ROCK2: variants seen among roughly 807,000 people sequenced by gnomAD.
ROCK2 encodes Rho associated coiled-coil containing protein kinase 2.
A neutral mutation model predicts 195.1 loss-of-function variants in ROCK2; 61 were observed. The observed-to-expected ratio is 0.31, with a 90% CI of 0.25 to 0.39. The LOEUF is 0.39. Ranked by LOEUF, ROCK2 falls within the 10% of genes least tolerant of loss-of-function variation. The probability of loss-of-function intolerance (pLI) is 1.00; values close to 1 mark genes in which losing one functional copy is unlikely to be tolerated. For synonymous variants in ROCK2, 504 were observed against 545.5 expected (o/e 0.92, Z 1.06); for missense variants, 1,109 against 1,637.4 (o/e 0.68, Z 5.57).
intron 1 of ROCK2, among the ~76,000 whole-genome samples, chr2:11,320,459 T>C (rs1668367058): frequency 6.6e-6 from 1 of 152,176 alleles, no homozygotes. Context: ...GACACCAACA[T>C]TGAGTCCTTT....
chr2:11,318,285 A>T (rs186836230), intron 1 of ROCK2, among the ~76,000 whole-genome samples: 3,431 of 152,182 alleles, frequency 0.023, 60 homozygotes, highest in East Asian at 0.053. Flanking sequence ...CTGTTTCCTG[A>T]CTTTTTAATG....
chr2:11,285,099 C>A (rs1667140805), intron 3 of ROCK2, among the ~76,000 whole-genome samples: 1 of 151,848 alleles, frequency 6.6e-6, no homozygotes, highest in South Asian at 2.1e-4. Flanking sequence ...CCTGTCTCTA[C>A]TAAAAATACA....
At chr2:11,215,761 T>C in intron 13 of ROCK2, 116 bp from the exon 14 acceptor site, 2 of 822,218 alleles carry the variant, frequency 2.4e-6, no homozygotes. Flanking sequence ...TTCACTGCTT[T>C]TTTGTTAAAA....
chr2:11,345,031 CCCCCCGCCGCGG>C (rs983965497), upstream of ROCK2, among the ~76,000 whole-genome samples: 3 of 151,008 alleles, frequency 2.0e-5, no homozygotes, highest in African/African-American at 7.3e-5. Context: ...CCCGGCCGCG[CCCCCCGCCGCGG>C]CCCCCGCTGA....
chr2:11,233,535 T>A (rs1362308003), intron 5 of ROCK2, among the ~76,000 whole-genome samples: 2 of 152,200 alleles, frequency 1.3e-5, no homozygotes, highest in South Asian at 2.1e-4. Context: ...ACATGGGACA[T>A]ATATAAAGAT....
chr2:11,214,604 T>C, intron 16 of ROCK2, 141 bp from the exon 17 acceptor site: 3 of 653,216 alleles, frequency 4.6e-6, no homozygotes, highest in Non-Finnish European at 7.8e-6. Flanking sequence ...TATTGTGCTT[T>C]ATAGTTAATT....
intron 3 of ROCK2, among the ~76,000 whole-genome samples, chr2:11,275,907 C>G (rs544513828): frequency 2.7e-4 from 41 of 152,164 alleles, no homozygotes; most frequent in Admixed American, 9.8e-4. Context: ...ACCATGTTGA[C>G]CTGGCTGGTC....
In ROCK2 at chr2:11,201,581, T is replaced by A. The variant is rs917862684; in HGVS notation, c.2620-168A>T. Among the ~76,000 whole-genome samples, 3 of 152,222 alleles carry A rather than the reference T, an allele frequency of 2.0e-5. No homozygotes were observed. The highest frequency in any genetic ancestry group is 4.4e-5 in the Non-Finnish European group (3 of 68,034). On this transcript the variant is annotated intron_variant, in intron 21 of 32. Coordinates refer to ENST00000315872, the MANE Select transcript of ROCK2 (RefSeq NM_004850.5). The surrounding 1 kb of genome is among the most constrained non-coding windows in gnomAD (Gnocchi z 4.6). ...GAACTTTCCTATTTCTAGTCATCAA[T>A]TAACTAATACAAGTTCAGGTAATAA... is the stretch of plus-strand genomic sequence containing the variant.
At chr2:11,284,811 T>G (rs1213606090) in intron 3 of ROCK2, among the ~76,000 whole-genome samples, 2 of 152,198 alleles carry the variant, frequency 1.3e-5, no homozygotes, top group Non-Finnish European at 2.9e-5. Flanking sequence ...AGTACTATAT[T>G]CTGGTTCAAT....
In ROCK2 at chr2:11,260,987, A is replaced by G. The variant is rs373309691; in HGVS notation, c.325-11189T>C. The stretch of plus-strand genomic sequence containing the variant: ...CTACTTCATACGCTCCTTTAGGAAT[A>G]TAACACATACTTTCATTTGTGAGAC... On this transcript the variant is annotated intron_variant, in intron 3 of 32. Transcript: ENST00000315872. 3.9e-5 allele frequency among the ~76,000 whole-genome samples: 6 copies of G among 152,260 alleles called. No individual in the cohort carries two copies. The South Asian group carries it at 8.3e-4, about 21-fold the overall frequency.
At chr2:11,343,723 G>A (rs527425447) in intron 1 of ROCK2, among the ~76,000 whole-genome samples, 2 of 152,340 alleles carry the variant, frequency 1.3e-5, no homozygotes, top group South Asian at 2.1e-4. Flanking sequence ...GGCGGAAGGA[G>A]AAGAGGGGTG....
intron 3 of ROCK2, among the ~76,000 whole-genome samples, chr2:11,281,164 G>T (rs1266442854): frequency 1.6e-5 from 2 of 124,782 alleles, no homozygotes; most frequent in African/African-American, 6.1e-5. Flanking sequence ...TCATATCATA[G>T]ATGCAGAAAA....
rs182398344 is a variant in ROCK2, at chr2:11,283,286, C to A, written c.324+3253G>T. ...TCAAAAAAAAAAAAAAGAGGCTGGG[C>A]GCAGTGGCTCACGCCTGTAATCCCA... On this transcript the variant is annotated intron_variant, in intron 3 of 32. Transcript: ENST00000315872. Among the ~76,000 whole-genome samples the A allele has an allele frequency of 3.4e-5, 5 of 148,756 alleles. No homozygotes were observed. In the East Asian group the frequency reaches 1.0e-3, roughly 30 times the overall value.
intron 1 of ROCK2, among the ~76,000 whole-genome samples, chr2:11,336,928 C>T (rs913834479): frequency 2.6e-5 from 4 of 152,058 alleles, no homozygotes; most frequent in Non-Finnish European, 5.9e-5. Flanking sequence ...AAGCAACAAC[C>T]ATTAAAAATT....
rs1229819102 is a variant in ROCK2 at position 11,200,973 on chromosome 2, TC to T, written c.2893del (p.Asp965MetfsTer14). 6.3e-7 allele frequency: 1 copy of T among 1,596,460 alleles called. No individual in the cohort carries two copies. Among genetic ancestry groups the T allele is most frequent in the African/African-American group, 1.4e-5 (1 of 73,778 alleles). ...TTGACTTACAGAAGCAATTGTAGCA[TC>T]TTTTTCCGTAAGTTCCTGTTTGTGT... is the stretch of plus-strand genomic sequence containing the variant. Reference protein sequence around the residue: ...ARHKQELTEKDATIASLEETN... With the variant: ...ARHKQELTEKXATIASLEETN... On this transcript the variant is annotated frameshift_variant, in exon 23 of 33. Transcript: ENST00000315872. LOFTEE classifies it high-confidence loss of function.
At chr2:11,267,647 C>T (rs1364799911) in intron 3 of ROCK2, among the ~76,000 whole-genome samples, 2 of 151,632 alleles carry the variant, frequency 1.3e-5, no homozygotes, top group Non-Finnish European at 2.9e-5. Flanking sequence ...CCTCAGACGG[C>T]ATTGTTCAAG....
chr2:11,310,846 T>C (rs1350557200), intron 1 of ROCK2, among the ~76,000 whole-genome samples: 1 of 152,078 alleles, frequency 6.6e-6, no homozygotes, highest in African/African-American at 2.4e-5. Flanking sequence ...TTTTGATCCA[T>C]ATAAATGATA....
chr2:11,320,169 T>C (rs1668357454), intron 1 of ROCK2, among the ~76,000 whole-genome samples: 2 of 152,178 alleles, frequency 1.3e-5, no homozygotes, highest in Non-Finnish European at 2.9e-5. Flanking sequence ...TTCCATAGCT[T>C]CAACTTACTC....
chr2:11,237,343 AG>A (rs1665247640), intron 4 of ROCK2, among the ~76,000 whole-genome samples: 1 of 152,224 alleles, frequency 6.6e-6, no homozygotes, highest in Non-Finnish European at 1.5e-5. Flanking sequence ...ACACTGAAGG[AG>A]TAAGAGATGA....
Sources: gnomAD v4.1 joint callset for allele counts (sites outside exome capture counted in the v4.1 genomes callset) on GRCh38, gnomAD v4.1.1 for gene constraint, Gnocchi (gnomAD v3.1) non-coding constraint, MANE v1.5 for transcripts, NCBI Gene and HGNC (gene_info 2026-07-23, HGNC 2026-07-21) for gene names.